Variants in CSMD1 observed in about 807,000 individuals in gnomAD.
CSMD1 encodes CUB and Sushi multiple domains 1, also known as CUB and sushi domain-containing protein 1.
In CSMD1, 213 loss-of-function variants were observed where a neutral mutation model predicts 417.5. The observed-to-expected ratio is 0.51, with a 90% confidence interval of 0.46 to 0.57. The LOEUF is 0.57. Ranked by LOEUF, CSMD1 falls within the 20% of genes least tolerant of loss-of-function variation. The pLI, the probability that CSMD1 is intolerant of heterozygous loss-of-function variation, is 0.00. For synonymous variants in CSMD1, 2,862 were observed against 1,736.8 expected, an observed-to-expected ratio of 1.65 and a Z score of -16.11; for missense variants, 6,923 against 4,529.7, an observed-to-expected ratio of 1.53 and a Z score of -15.17.
chr8:4,478,590 A>G (rs1242612237), intron 2 of CSMD1, among the ~76,000 whole-genome samples: 1 of 152,346 alleles, frequency 6.6e-6, no homozygotes, highest in East Asian at 1.9e-4. Context: ...TTAATAATGA[A>G]GCAAAAGAAA....
At chr8:3,452,389 T>C (rs1815798860) in intron 12 of CSMD1, among the ~76,000 whole-genome samples, 1 of 152,220 alleles carries the variant, frequency 6.6e-6, no homozygotes, top group Non-Finnish European at 1.5e-5. Context: ...ACTCCTGTCT[T>C]GTGCCAGTTT....
At chr8:3,788,064 T>A (rs1490483793) in intron 5 of CSMD1, among the ~76,000 whole-genome samples, 1 of 152,188 alleles carries the variant, frequency 6.6e-6, no homozygotes, top group Admixed American at 6.5e-5. Flanking sequence ...AAAAAGCCTC[T>A]CCATCCAGTG....
At chr8:4,092,454 C>T (rs891409378) in intron 3 of CSMD1, among the ~76,000 whole-genome samples, 8 of 152,190 alleles carry the variant, frequency 5.3e-5, no homozygotes, top group South Asian at 4.1e-4. Context: ...CATATTATGA[C>T]ACTCTTATCT....
At chr8:3,335,392 G>C (rs138894284) in intron 23 of CSMD1, among the ~76,000 whole-genome samples, 1,938 of 152,226 alleles carry the variant, frequency 0.013, 42 homozygotes, top group African/African-American at 0.044. Context: ...AAGAAGAAAG[G>C]TTTGGCCAGG....
At chr8:3,697,589 G>T (rs754845453) in intron 7 of CSMD1, among the ~76,000 whole-genome samples, 2 of 152,086 alleles carry the variant, frequency 1.3e-5, no homozygotes, top group Non-Finnish European at 2.9e-5. Context: ...TTTATTACAA[G>T]AATATAGCAG....
chr8:4,953,955 C>T (rs532643588), intron 1 of CSMD1, among the ~76,000 whole-genome samples: 9 of 152,220 alleles, frequency 5.9e-5, no homozygotes, highest in South Asian at 2.1e-4. Flanking sequence ...ACCTAATGCA[C>T]AGTAAAGTTA....
chr8:3,136,683 T>C (rs998969387), intron 41 of CSMD1, among the ~76,000 whole-genome samples: 4 of 152,154 alleles, frequency 2.6e-5, no homozygotes, highest in African/African-American at 4.8e-5. Context: ...CTCAGAGCTG[T>C]TTGCACACAT....
intron 4 of CSMD1, among the ~76,000 whole-genome samples, chr8:4,006,356 C>A (rs1816113221): frequency 6.6e-6 from 1 of 152,124 alleles, no homozygotes; most frequent in Admixed American, 6.5e-5. Context: ...CCAGCCTGGC[C>A]AACATGGTGA....
At chr8:3,882,884 T>C (rs1262056876) in intron 5 of CSMD1, among the ~76,000 whole-genome samples, 3 of 152,200 alleles carry the variant, frequency 2.0e-5, no homozygotes, top group Non-Finnish European at 4.4e-5. Context: ...GGACTGACGA[T>C]TTCAAGAGCA....
At position 4,477,464 on chromosome 8, in the gene CSMD1, G is replaced by C. The variant is rs141224692; in HGVS notation, c.303-57399C>G. On this transcript the variant is annotated intron_variant, in intron 2 of 69. Coordinates refer to ENST00000635120, the MANE Select transcript of CSMD1 (RefSeq NM_033225.6). ...AGTCTGGTAAAACACATGATTTTCA[G>C]ATATTTATATTTAATCACTATAATT... Among the ~76,000 whole-genome samples the C allele has an allele frequency of 2.6e-4, 40 of 152,214 alleles. 1 individual carries two copies. Among genetic ancestry groups the C allele is most frequent in the Non-Finnish European group, 8.8e-5 (6 of 68,036 alleles).
intron 2 of CSMD1, among the ~76,000 whole-genome samples, chr8:4,443,988 A>G (rs1465641954): frequency 6.6e-6 from 1 of 152,174 alleles, no homozygotes; most frequent in African/African-American, 2.4e-5. Context: ...GAAAATGTAC[A>G]AACGGAGTAA....
At chr8:4,410,014 A>G (rs951170833) in intron 3 of CSMD1, among the ~76,000 whole-genome samples, 1 of 152,054 alleles carries the variant, frequency 6.6e-6, no homozygotes, top group African/African-American at 2.4e-5. Context: ...GGATTTCACC[A>G]TGTTGGCCAA....
chr8:4,177,546 C>CA (rs775350022), intron 3 of CSMD1, among the ~76,000 whole-genome samples: 19 of 152,046 alleles, frequency 1.2e-4, no homozygotes, highest in African/African-American at 4.3e-4. Flanking sequence ...CAAACACATT[C>CA]AAAGCTAGCA....
chr8:4,096,817 T>G (rs1307384426), intron 3 of CSMD1, among the ~76,000 whole-genome samples: 1 of 152,192 alleles, frequency 6.6e-6, no homozygotes, highest in Non-Finnish European at 1.5e-5. Context: ...TGACCCATCA[T>G]TCTTGATATA....
At chr8:3,206,341 T>G (rs57794313) in intron 30 of CSMD1, among the ~76,000 whole-genome samples, 98,115 of 131,884 alleles carry the variant, frequency 0.74, 36,469 homozygotes, top group Non-Finnish European at 0.76. Flanking sequence ...GTATGTGTGT[T>G]TGGGGTGTGT....
chr8:4,214,351 G>C (rs558265643), intron 3 of CSMD1, among the ~76,000 whole-genome samples: 1 of 152,324 alleles, frequency 6.6e-6, no homozygotes, highest in South Asian at 2.1e-4. Flanking sequence ...AGGCTGGAGT[G>C]CAGTGGTGCG....
intron 23 of CSMD1, among the ~76,000 whole-genome samples, chr8:3,320,096 G>C (rs921020329): frequency 6.6e-6 from 1 of 152,156 alleles, no homozygotes; most frequent in Non-Finnish European, 1.5e-5. Context: ...GCACACAGAA[G>C]ACATGCTCTG....
At chr8:3,683,105 G>T (rs904383622) in intron 7 of CSMD1, among the ~76,000 whole-genome samples, 1 of 152,086 alleles carries the variant, frequency 6.6e-6, no homozygotes, top group Non-Finnish European at 1.5e-5. Flanking sequence ...TAAATGACAA[G>T]CTAATGGGTG....
chr8:3,334,069 G>C (rs1037267155), intron 23 of CSMD1, among the ~76,000 whole-genome samples: 3 of 152,184 alleles, frequency 2.0e-5, no homozygotes, highest in African/African-American at 4.8e-5. Context: ...GGGAGGTGAA[G>C]GCATTGAAAG....
Sources: gnomAD v4.1 joint callset for allele counts (sites outside exome capture counted in the v4.1 genomes callset) on GRCh38, gnomAD v4.1.1 for gene constraint, MANE v1.5 for transcripts, NCBI Gene and HGNC (gene_info 2026-07-23, HGNC 2026-07-21) for gene names.